The following LMBR1 variants were observed in gnomAD, a reference collection of about 807,000 sequenced individuals.
LMBR1 encodes the protein limb development membrane protein 1.
In LMBR1, 52 loss-of-function variants were observed where a neutral mutation model predicts 73.9. The ratio of observed to expected loss-of-function variants is 0.70; its 90% confidence interval spans 0.56 to 0.89. The LOEUF is 0.89. LMBR1 is among the 40% of genes least tolerant of loss of function. The probability of loss-of-function intolerance (pLI) is 0.00; values close to 1 mark genes in which losing one functional copy is unlikely to be tolerated. For missense variants in LMBR1, 539 were observed against 579.8 expected (o/e 0.93, Z 0.72); for synonymous variants, 215 against 209.4 (o/e 1.03, Z -0.23).
intron 1 of LMBR1, among the ~76,000 whole-genome samples, chr7:156,863,337 TCA>T (rs1196200195): frequency 6.7e-6 from 1 of 148,538 alleles, no homozygotes; most frequent in Non-Finnish European, 1.5e-5. Flanking sequence ...TCTAGTCTTT[TCA>T]CATTTTTTTT....
At chr7:156,671,870 G>A (rs1185519390) in intron 4 of LMBR1, among the ~76,000 whole-genome samples, 2 of 152,072 alleles carry the variant, frequency 1.3e-5, no homozygotes, top group Admixed American at 6.5e-5. Flanking sequence ...ACTATCTCAC[G>A]TTTGAAAATA....
chr7:156,806,598 C>CTTTTTTTT (rs71189962), intron 4 of LMBR1, among the ~76,000 whole-genome samples: 15 of 44,676 alleles, frequency 3.4e-4, no homozygotes, highest in African/African-American at 1.3e-3. Flanking sequence ...TTTGTAGATG[C>CTTTTTTTT]TTTTTTTTTT....
intron 15 of LMBR1, among the ~76,000 whole-genome samples, chr7:156,697,361 A>C (rs1808521734): frequency 6.6e-6 from 1 of 152,190 alleles, no homozygotes; most frequent in African/African-American, 2.4e-5. Flanking sequence ...TAAACATCTT[A>C]AACAACAGAA....
intron 1 of LMBR1, among the ~76,000 whole-genome samples, chr7:156,839,228 TA>T (rs1394935519): frequency 1.3e-5 from 2 of 151,968 alleles, no homozygotes; most frequent in African/African-American, 4.8e-5. Context: ...TTTGTATTTT[TA>T]GTAGAGACGG....
At chr7:156,831,208 G>A (rs1044664326) in intron 3 of LMBR1, among the ~76,000 whole-genome samples, 8 of 149,932 alleles carry the variant, frequency 5.3e-5, no homozygotes, top group Non-Finnish European at 1.2e-4. Context: ...AGACAAAACA[G>A]GTCAAAAGCG....
At position 156,805,024 on chromosome 7, in the gene LMBR1, T is replaced by C. The variant is rs1831749715; in HGVS notation, c.320-8532A>G. On this transcript the variant is annotated intron_variant, in intron 4 of 16. Transcript: ENST00000353442. ...TACAGTTTGCGAATGGTGCCAGGTA[T>C]GGACTGAAGTTCATTTTTTGCCTAT... Among the ~76,000 whole-genome samples the C allele has an allele frequency of 2.0e-5, 3 of 152,272 alleles. No homozygotes were observed. In the South Asian group the frequency reaches 6.2e-4, roughly 32 times the overall value.
At chr7:156,761,587 A>C (rs1225635465) in intron 8 of LMBR1, among the ~76,000 whole-genome samples, 3 of 152,204 alleles carry the variant, frequency 2.0e-5, no homozygotes, top group Non-Finnish European at 4.4e-5. Flanking sequence ...AATTTGCTAG[A>C]GGAATTTTTA....
intron 4 of LMBR1, among the ~76,000 whole-genome samples, chr7:156,808,493 C>T (rs1432424883): frequency 6.6e-6 from 1 of 152,126 alleles, no homozygotes; most frequent in African/African-American, 2.4e-5. Flanking sequence ...ATCCTGCAAG[C>T]AGATATACTT....
intron 14 of LMBR1, among the ~76,000 whole-genome samples, 174 bp from the exon 15 acceptor site, chr7:156,724,352 TAA>T (rs925905414): frequency 2.0e-5 from 3 of 152,156 alleles, no homozygotes; most frequent in Admixed American, 6.6e-5. Flanking sequence ...TTAAAATAAA[TAA>T]AGTTATATCT....
At chr7:156,725,346 C>T in intron 14 of LMBR1, 89 bp downstream of exon 14, 1 of 757,798 alleles carries the variant, frequency 1.3e-6, no homozygotes. Flanking sequence ...CCTATCACTG[C>T]AAATGAACCA....
chr7:156,676,595 T>C, downstream of LMBR1: 2 of 1,614,236 alleles, frequency 1.2e-6, no homozygotes, highest in Non-Finnish European at 1.7e-6. Flanking sequence ...GAGACAGGCC[T>C]CCTTTCCATG....
chr7:156,849,839 C>G (rs914064048), intron 1 of LMBR1, among the ~76,000 whole-genome samples: 14 of 152,248 alleles, frequency 9.2e-5, no homozygotes, highest in Admixed American at 4.6e-4. Flanking sequence ...GAATCTAAGT[C>G]ATGATGTTCA....
At chr7:156,801,701 T>C (rs980481854) in intron 4 of LMBR1, among the ~76,000 whole-genome samples, 3 of 152,058 alleles carry the variant, frequency 2.0e-5, no homozygotes, top group Non-Finnish European at 2.9e-5. Flanking sequence ...CAGGCTGATT[T>C]TTGTATTTTT....
intron 1 of LMBR1, among the ~76,000 whole-genome samples, chr7:156,880,925 C>T (rs1800991972): frequency 6.6e-6 from 1 of 152,036 alleles, no homozygotes; most frequent in South Asian, 2.1e-4. Flanking sequence ...AGTGCTGGGA[C>T]TTCAAGCATG....
At chr7:156,818,372 G>A (rs1304609716) in intron 4 of LMBR1, among the ~76,000 whole-genome samples, 1 of 152,090 alleles carries the variant, frequency 6.6e-6, no homozygotes, top group Non-Finnish European at 1.5e-5. Flanking sequence ...ATCTCAAACT[G>A]GGCATTCATG....
rs534018358 is a variant in LMBR1 at position 156,712,836 on chromosome 7, T to C, written c.1225+11276A>G. On this transcript the variant is annotated intron_variant, in intron 15 of 16. Coordinates refer to ENST00000353442, the MANE Select transcript of LMBR1 (RefSeq NM_022458.4). ...CACATGGATGTAGGGTGCAGAATGA[T>C]AGAAAATGAAGACTGAAAAAGGCAA... is the stretch of plus-strand genomic sequence containing the variant. Among the ~76,000 whole-genome samples the C allele has an allele frequency of 5.9e-5, 9 of 152,192 alleles. No homozygotes were observed. The South Asian group carries it at 6.2e-4, about 11-fold the overall frequency.
intron 9 of LMBR1, among the ~76,000 whole-genome samples, chr7:156,752,145 C>T (rs543162215): frequency 6.6e-6 from 1 of 152,196 alleles, no homozygotes; most frequent in East Asian, 1.9e-4. Context: ...AAAGACATTT[C>T]GAGGAGGAAA....
At chr7:156,749,669 T>A (rs1030905448) in intron 9 of LMBR1, among the ~76,000 whole-genome samples, 2 of 152,112 alleles carry the variant, frequency 1.3e-5, no homozygotes, top group Admixed American at 6.6e-5. Flanking sequence ...AATAAATAAT[T>A]AATACAAGCT....
At chr7:156,755,531 T>C (rs555911692) in intron 9 of LMBR1, among the ~76,000 whole-genome samples, 3 of 152,348 alleles carry the variant, frequency 2.0e-5, no homozygotes, top group Non-Finnish European at 4.4e-5. Flanking sequence ...GCATGTTTAT[T>C]GCACAGTAGC....
Sources: allele counts gnomAD v4.1 joint callset (sites outside exome capture counted in the v4.1 genomes callset), GRCh38; gene constraint gnomAD v4.1.1; transcripts MANE v1.5; gene names NCBI Gene and HGNC (gene_info 2026-07-23, HGNC 2026-07-21).